The following LTN1 variants were observed in gnomAD, a reference collection of about 807,000 sequenced individuals.
The protein encoded by LTN1 is listerin E3 ubiquitin protein ligase 1, also known as E3 ubiquitin-protein ligase listerin.
Under a neutral mutation model 201.2 loss-of-function variants are expected in LTN1, and 88 were observed. That is an observed-to-expected ratio of 0.44 (90% CI 0.37 to 0.52). LTN1 has a LOEUF of 0.52. Among genes scored for constraint, LTN1 ranks in the 20% least tolerant of loss-of-function variants. The pLI, the probability that LTN1 is intolerant of heterozygous loss-of-function variation, is 0.00. For missense variants in LTN1, 1,752 were observed against 2,038.7 expected, an observed-to-expected ratio of 0.86 and a Z score of 2.71; for synonymous variants, 645 against 713.5, an observed-to-expected ratio of 0.90 and a Z score of 1.53.
chr21:28,985,870 A>C (rs2084694446), intron 3 of LTN1, among the ~76,000 whole-genome samples: 1 of 152,016 alleles, frequency 6.6e-6, no homozygotes, highest in Non-Finnish European at 1.5e-5. Context: ...CATGTTGGCC[A>C]GGCTGGTCTC....
At chr21:28,980,055 GCA>G (rs1162540680) in intron 6 of LTN1, among the ~76,000 whole-genome samples, 2 of 152,142 alleles carry the variant, frequency 1.3e-5, no homozygotes, top group East Asian at 3.9e-4. Context: ...TCACCCACGT[GCA>G]CATTCCCAGC....
At chr21:28,973,178 T>C (rs2084588595) in intron 6 of LTN1, among the ~76,000 whole-genome samples, 1 of 151,462 alleles carries the variant, frequency 6.6e-6, no homozygotes, top group African/African-American at 2.4e-5. Context: ...CAAAACCCCA[T>C]CTTTACTAAA....
intron 4 of LTN1, among the ~76,000 whole-genome samples, chr21:28,983,222 A>G (rs1331222280): frequency 1.3e-5 from 2 of 152,266 alleles, no homozygotes; most frequent in Admixed American, 6.5e-5. Flanking sequence ...GGAAAATAAA[A>G]TGGAAGAAAT....
At position 28,986,882 on chromosome 21, in the gene LTN1, A is replaced by T; in HGVS notation, c.95T>A (p.Val32Glu). The T allele has an allele frequency of 6.2e-7, 1 of 1,614,156 alleles. No individual in the cohort carries two copies. The highest frequency in any genetic ancestry group is 8.5e-7 in the Non-Finnish European group (1 of 1,180,016). ...TGTTCCAAAACCAATAAATCCAGGC[A>T]CTGTTCCCTGTTCTTTGGCAAGGAG... ...AELLAKEQGT[V>E]PGFIGFGTSQ... Residue 32 changes from valine (V) to glutamate (E), a missense_variant, in exon 2 of 30, where the codon GTG becomes GAG. Val to Glu is a moderately radical substitution (Grantham distance 121). Transcript: ENST00000361371. The surrounding 1 kb of genome is among the most constrained non-coding windows in gnomAD (Gnocchi z 4.1).
At chr21:28,957,999 G>C (rs189251556) in intron 14 of LTN1, among the ~76,000 whole-genome samples, 20 of 152,294 alleles carry the variant, frequency 1.3e-4, no homozygotes, top group African/African-American at 4.8e-4. Flanking sequence ...TCACTTTACT[G>C]TCTATAAGTT....
In LTN1 at chr21:28,929,026, C is replaced by T. The variant is rs2084190574; in HGVS notation, c.*1422G>A. The T allele has an allele frequency of 6.6e-6, 1 of 152,442 alleles. No homozygotes were observed. The highest frequency in any genetic ancestry group is 6.5e-5 in the Admixed American group (1 of 15,274). 9.4% of individuals were successfully genotyped at this position (152,442 alleles called of 1,614,324 possible). A position where few individuals can be genotyped will look rare whatever the true frequency, so the allele number is the denominator to read the frequency against. ...CCCTCAGAGGCTCAAGGCTAGAAGA[C>T]AATAAATATTTTACAGTAAAATGTA... On this transcript the variant is annotated 3_prime_UTR_variant, in exon 30 of 30. Coordinates refer to ENST00000361371, the MANE Select transcript of LTN1 (RefSeq NM_015565.3).
chr21:28,962,588 C>T (rs2084488301), intron 11 of LTN1, among the ~76,000 whole-genome samples: 1 of 152,178 alleles, frequency 6.6e-6, no homozygotes, highest in Non-Finnish European at 1.5e-5. Context: ...CTTCTCTGTC[C>T]TTAGGCATCC....
intron 6 of LTN1, among the ~76,000 whole-genome samples, chr21:28,974,796 A>C (rs1202039359): frequency 6.6e-6 from 1 of 152,194 alleles, no homozygotes; most frequent in Admixed American, 6.5e-5. Context: ...CACTATGCCC[A>C]GCTAATTTTT....
At position 28,965,848 on chromosome 21, in the gene LTN1, A is replaced by C. The variant is rs1410547561; in HGVS notation, c.2163+17T>G. On this transcript the variant is annotated intron_variant, in intron 11 of 29. Coordinates refer to ENST00000361371, the MANE Select transcript of LTN1 (RefSeq NM_015565.3). ...CATAAATACAAAAAAAAAAAGAAAAAAAAATCCCTAAGATACCTTTTCAAT... is the reference window on the plus strand; with the variant it reads ...CATAAATACAAAAAAAAAAAGAAAACAAAATCCCTAAGATACCTTTTCAAT... 7.2e-7 allele frequency: 1 copy of C among 1,388,760 alleles called. No individual in the cohort carries two copies. Among genetic ancestry groups the C allele is most frequent in the Non-Finnish European group, 9.9e-7 (1 of 1,008,960 alleles). 86.0% of individuals were successfully genotyped at this position (1,388,760 alleles called of 1,614,324 possible).
intron 7 of LTN1, 112 bp from the exon 8 acceptor site, chr21:28,970,854 A>AC: frequency 2.7e-6 from 2 of 733,766 alleles, no homozygotes. Flanking sequence ...TTTACCTAAA[A>AC]AAAGCTAAAA....
intron 14 of LTN1, 38 bp from the exon 15 acceptor site, chr21:28,957,514 G>T (rs567596038): frequency 1.4e-6 from 2 of 1,465,826 alleles, no homozygotes; most frequent in Admixed American, 2.3e-5. Context: ...TTGTAGTTAC[G>T]CTATGACTAG....
intron 13 of LTN1, 131 bp downstream of exon 13, chr21:28,959,327 A>T (rs2084454313): frequency 9.6e-7 from 1 of 1,040,530 alleles, no homozygotes; most frequent in Non-Finnish European, 1.4e-6. Flanking sequence ...TTAAGACTGT[A>T]GCCCTTTACT....
intron 19 of LTN1, 140 bp downstream of exon 19, chr21:28,947,324 C>T: frequency 1.5e-6 from 1 of 647,490 alleles, no homozygotes. Flanking sequence ...CACTGTCTAA[C>T]AACACTCATC....
In LTN1 at chr21:28,935,130, T is replaced by A. The variant is rs773291855; in HGVS notation, c.4854A>T (p.Thr1618=). The change falls in exon 27 of 30, where the codon ACA becomes ACT. Residue 1618 remains threonine (T), a synonymous_variant. Transcript: ENST00000361371. ...FQEISSVQTS[T]QLFNGMTVKA... is the part of the protein sequence containing the mutation. Reference sequence around the variant, plus strand: ...TAACCGTCATGCCATTAAATAGTTGTGTACTTGTTTGTACAGAAGATATTT... The same window carrying A: ...TAACCGTCATGCCATTAAATAGTTGAGTACTTGTTTGTACAGAAGATATTT... The A allele has an allele frequency of 4.3e-6, 7 of 1,609,846 alleles. No homozygotes were observed. In the South Asian group the frequency reaches 7.7e-5, roughly 18 times the overall value.
chr21:28,992,812 G>A lies in LTN1; in HGVS notation c.-7C>T, dbSNP rs762311788. On this transcript the variant is annotated 5_prime_UTR_variant, in exon 1 of 30. Coordinates refer to ENST00000361371, the MANE Select transcript of LTN1 (RefSeq NM_015565.3). The stretch of plus-strand genomic sequence containing the variant: ...GCTTGTTCTTCCCGCCCATGGTCGC[G>A]GTTGCAGCTGTACTCTGAGCACTCA... The A allele has an allele frequency of 1.2e-5, 19 of 1,614,080 alleles. No individual in the cohort carries two copies. In the Admixed American group the frequency reaches 2.8e-4, roughly 24 times the overall value.
In LTN1 at chr21:28,956,857, G is replaced by T; in HGVS notation, c.2984C>A (p.Pro995His). The change falls in exon 16 of 30, where the codon CCC (proline) becomes CAC (histidine). Residue 995 changes from proline (P) to histidine (H), a missense_variant. Physicochemically the swap from Pro to His is moderately conservative, Grantham distance 77. This residue lies in a region of LTN1 where 1,211 missense variants were observed against 1,312.8 expected (regional missense o/e 0.92). Coordinates refer to ENST00000361371, the MANE Select transcript of LTN1 (RefSeq NM_015565.3). ...DFKEQDIKTL[P>H]SHLCTSALLS... ...TAATGCTGAAGTACACAAATGGCTG[G>T]GAAGTGTCTTTATGTCCTGTTCCTT... 6.2e-7 allele frequency: 1 copy of T among 1,611,114 alleles called. No homozygotes were observed. The highest frequency in any genetic ancestry group is 8.5e-7 in the Non-Finnish European group (1 of 1,177,860).
At chr21:28,967,220 C>T in intron 9 of LTN1, 41 bp from the exon 10 acceptor site, 1 of 1,394,916 alleles carries the variant, frequency 7.2e-7, no homozygotes, top group Non-Finnish European at 9.8e-7. Flanking sequence ...TATATTTGGT[C>T]TTCAACCCCC....
intron 11 of LTN1, chr21:28,964,469 T>G: frequency 9.9e-7 from 1 of 1,008,558 alleles, no homozygotes; most frequent in South Asian, 2.2e-5. Context: ...AGATATAATG[T>G]TATTGCACAC....
chr21:28,957,076 G>T, intron 15 of LTN1, 128 bp from the exon 16 acceptor site: 1 of 695,880 alleles, frequency 1.4e-6, no homozygotes, highest in Non-Finnish European at 2.3e-6. Flanking sequence ...TCTTTTACAG[G>T]AAATTATCAA....
Sources: gnomAD v4.1 joint callset for allele counts (sites outside exome capture counted in the v4.1 genomes callset) on GRCh38, gnomAD v4.1.1 for gene constraint, gnomAD v4.1.1 regional missense constraint, Gnocchi (gnomAD v3.1) non-coding constraint, MANE v1.5 for transcripts, NCBI Gene and HGNC (gene_info 2026-07-23, HGNC 2026-07-21) for gene names.